Variants in CNBD1 observed in about 807,000 individuals in gnomAD.
CNBD1 encodes cyclic nucleotide-binding domain-containing protein 1.
CNBD1 carries 71 observed loss-of-function variants against 54.4 expected under a neutral mutation model. That is an observed-to-expected ratio of 1.30 (90% confidence interval 1.08 to 1.59). CNBD1 has a LOEUF of 1.59. Among genes scored for constraint, CNBD1 ranks in the 40% most tolerant of loss-of-function variants. The pLI is 0.00. For synonymous variants in CNBD1, 182 were observed against 170.7 expected (o/e 1.07, Z -0.51); for missense variants, 659 against 518.0 (o/e 1.27, Z -2.64).
At chr8:87,310,694 G>A (rs1586002329) in intron 8 of CNBD1, among the ~76,000 whole-genome samples, 1 of 152,018 alleles carries the variant, frequency 6.6e-6, no homozygotes, top group African/African-American at 2.4e-5. Flanking sequence ...TAAGCAAAAA[G>A]AACAAAGCCA....
At chr8:87,180,472 G>A (rs1276513569) in intron 4 of CNBD1, among the ~76,000 whole-genome samples, 1 of 152,016 alleles carries the variant, frequency 6.6e-6, no homozygotes, top group African/African-American at 2.4e-5. Context: ...TTTAACTTTA[G>A]ATAAAACAAT....
At chr8:86,977,521 A>G (rs779623172) in intron 4 of CNBD1, among the ~76,000 whole-genome samples, 1 of 152,120 alleles carries the variant, frequency 6.6e-6, no homozygotes, top group Non-Finnish European at 1.5e-5. Context: ...GACTCAAGTA[A>G]AATCAGAAAT....
intron 6 of CNBD1, among the ~76,000 whole-genome samples, chr8:87,284,209 A>G (rs1808649539): frequency 6.6e-6 from 1 of 152,106 alleles, no homozygotes; most frequent in Non-Finnish European, 1.5e-5. Context: ...ACATTTTTCC[A>G]TGCCTAATAT....
At chr8:87,220,138 T>A (rs1814299137) in intron 5 of CNBD1, among the ~76,000 whole-genome samples, 1 of 152,058 alleles carries the variant, frequency 6.6e-6, no homozygotes, top group Non-Finnish European at 1.5e-5. Flanking sequence ...CTTTATGCAA[T>A]CGCCAATAAT....
chr8:87,012,614 A>G lies in CNBD1; in HGVS notation c.431+72860A>G, dbSNP rs547757171. ...AGAGCCAGTCACCCTTTTAAGTCCT[A>G]TAAAAAACAATTTACAACCTGCTGT... On this transcript the variant is annotated intron_variant, in intron 4 of 10. Coordinates refer to ENST00000518476, the MANE Select transcript of CNBD1 (RefSeq NM_173538.3). 7.9e-5 allele frequency among the ~76,000 whole-genome samples: 12 copies of G among 152,268 alleles called. No individual in the cohort carries two copies. In the East Asian group the frequency reaches 1.9e-3, roughly 25 times the overall value.
At chr8:87,381,847 A>G (rs1465856095) in intron 10 of CNBD1, among the ~76,000 whole-genome samples, 1 of 151,942 alleles carries the variant, frequency 6.6e-6, no homozygotes, top group Non-Finnish European at 1.5e-5. Flanking sequence ...GGGTTGAGGC[A>G]TGGGAAATGG....
At chr8:86,962,591 C>A (rs1049416809) in intron 4 of CNBD1, among the ~76,000 whole-genome samples, 1 of 152,058 alleles carries the variant, frequency 6.6e-6, no homozygotes, top group African/African-American at 2.4e-5. Context: ...CAAGACCATC[C>A]TGGCTAACAC....
At chr8:87,115,320 A>C (rs1260158841) in intron 4 of CNBD1, among the ~76,000 whole-genome samples, 2 of 152,218 alleles carry the variant, frequency 1.3e-5, no homozygotes, top group Non-Finnish European at 2.9e-5. Context: ...ACCATTTCGA[A>C]CAGTAATGTG....
chr8:87,420,305 C>A (rs976068505), intron 2 of CNBD1, among the ~76,000 whole-genome samples: 1 of 151,870 alleles, frequency 6.6e-6, no homozygotes, highest in African/African-American at 2.4e-5. Context: ...AACAGCAGGA[C>A]CTTTTAAATT....
intron 4 of CNBD1, among the ~76,000 whole-genome samples, chr8:86,946,844 C>T (rs1807482056): frequency 6.6e-6 from 1 of 152,096 alleles, no homozygotes; most frequent in African/African-American, 2.4e-5. Context: ...CTTCCTCATG[C>T]AGTTATTCTT....
rs144379096 is a variant in CNBD1, at chr8:87,166,366, G to C, written c.432-39627G>C. Reference sequence around the variant, plus strand: ...CCAGGTCACCATAGCTTCTCGCTTTGATACTTCAATAGCCTCCTTGGCAGG... The same window carrying C: ...CCAGGTCACCATAGCTTCTCGCTTTCATACTTCAATAGCCTCCTTGGCAGG... On this transcript the variant is annotated intron_variant, in intron 4 of 10. Transcript: ENST00000518476. This position sits in a 1 kb window ranked among gnomAD's most constrained non-coding sequence, Gnocchi z 4.3. Among the ~76,000 whole-genome samples, 570 of 151,938 alleles carry C rather than the reference G, an allele frequency of 3.8e-3. No individual in the cohort carries two copies. Among genetic ancestry groups the C allele is most frequent in the Admixed American group, 6.4e-3 (98 of 15,204 alleles).
At chr8:87,126,042 A>G (rs1169460474) in intron 4 of CNBD1, among the ~76,000 whole-genome samples, 1 of 151,832 alleles carries the variant, frequency 6.6e-6, no homozygotes, top group African/African-American at 2.4e-5. Context: ...ATTCTATTGT[A>G]TGAATACATC....
chr8:87,286,243 A>G (rs1012685347), intron 7 of CNBD1, among the ~76,000 whole-genome samples: 1 of 152,164 alleles, frequency 6.6e-6, no homozygotes, highest in African/African-American at 2.4e-5. Context: ...ATCAAACACA[A>G]CTTTTTAGTT....
chr8:87,331,134 G>T (rs898990771), intron 8 of CNBD1, among the ~76,000 whole-genome samples: 5 of 152,052 alleles, frequency 3.3e-5, no homozygotes, highest in Non-Finnish European at 7.4e-5. Context: ...ATGCCATTGT[G>T]GTTTGCTGCA....
intron 4 of CNBD1, among the ~76,000 whole-genome samples, chr8:87,161,119 G>A (rs950790569): frequency 1.3e-5 from 2 of 152,104 alleles, no homozygotes; most frequent in Non-Finnish European, 2.9e-5. Flanking sequence ...GGATATTCAA[G>A]GACTAAATTT....
At chr8:87,415,806 G>C (rs375649067) in intron 2 of CNBD1, among the ~76,000 whole-genome samples, 10 of 151,500 alleles carry the variant, frequency 6.6e-5, no homozygotes, top group African/African-American at 2.4e-4. Context: ...TATCAAACGG[G>C]AATAATAAAA....
chr8:87,102,089 A>G (rs953583875), intron 4 of CNBD1, among the ~76,000 whole-genome samples: 2 of 151,940 alleles, frequency 1.3e-5, no homozygotes, highest in East Asian at 1.9e-4. Flanking sequence ...GGGTTTCACT[A>G]TGTTAACCAG....
intron 8 of CNBD1, among the ~76,000 whole-genome samples, chr8:87,344,234 T>C (rs1478194517): frequency 6.6e-6 from 1 of 151,978 alleles, no homozygotes; most frequent in Non-Finnish European, 1.5e-5. Flanking sequence ...GAAGAAAATA[T>C]GGGTAAGCAA....
intron 9 of CNBD1, among the ~76,000 whole-genome samples, chr8:87,353,105 C>G (rs893817131): frequency 6.6e-6 from 1 of 152,096 alleles, no homozygotes; most frequent in African/African-American, 2.4e-5. Flanking sequence ...TTATTTGAAC[C>G]AAAATTATAG....
Sources: allele counts gnomAD v4.1 joint callset (sites outside exome capture counted in the v4.1 genomes callset), GRCh38; gene constraint gnomAD v4.1.1; non-coding constraint Gnocchi (gnomAD v3.1); transcripts MANE v1.5; gene names NCBI Gene and HGNC (gene_info 2026-07-23, HGNC 2026-07-21).